The following SLC47A1 variants were observed in gnomAD, a reference collection of about 807,000 sequenced individuals.
The protein encoded by SLC47A1 is solute carrier family 47 member 1, also known as multidrug and toxin extrusion protein 1.
In SLC47A1, 58 loss-of-function variants were observed where a neutral mutation model predicts 65.8. The ratio of observed to expected loss-of-function variants is 0.88; its 90% CI spans 0.71 to 1.10. The LOEUF is 1.10. Among genes scored for constraint, SLC47A1 ranks in the 50% least tolerant of loss-of-function variants. SLC47A1 has a pLI of 0.00. For missense variants in SLC47A1, 706 were observed against 719.2 expected, an observed-to-expected ratio of 0.98 and a Z score of 0.21; for synonymous variants, 285 against 295.0, an observed-to-expected ratio of 0.97 and a Z score of 0.35.
intron 15 of SLC47A1, among the ~76,000 whole-genome samples, chr17:19,572,099 A>G (rs2084404070): frequency 6.6e-6 from 1 of 152,176 alleles, no homozygotes; most frequent in African/African-American, 2.4e-5. Flanking sequence ...GGCTGCAGTC[A>G]TCTGTGATCA....
At position 19,556,060 on chromosome 17, in the gene SLC47A1, A is replaced by C; in HGVS notation, c.919A>C (p.Met307Leu). The stretch of plus-strand genomic sequence containing the variant: ...GTATGAACTGGCCATCATTGTGTAC[A>C]TGGTAAGCAGGGGAGCCGATCATGG... ...IVYELAIIVYMVPAGFSVAAS... is the reference protein window; with the variant it reads ...IVYELAIIVYLVPAGFSVAAS... Residue 307 changes from methionine to leucine, a missense_variant and splice_region_variant, in exon 10 of 17, where the codon ATG becomes CTG. By Grantham distance (15) the Met-to-Leu change is conservative. Transcript: ENST00000270570. 1 of 1,613,842 alleles carries C rather than the reference A, an allele frequency of 6.2e-7. No individual in the cohort carries two copies. The highest frequency in any genetic ancestry group is 8.5e-7 in the Non-Finnish European group (1 of 1,180,022).
In SLC47A1 at chr17:19,549,636, C is replaced by T. The variant is rs1321921564; in HGVS notation, c.457C>T (p.Leu153Phe). Reference protein sequence around the residue: ...LFRQDPDVSRLTQTYVTIFIP... With the variant: ...LFRQDPDVSRFTQTYVTIFIP... ...TTTCTTTTTCTTTTCGTTATTTAGG[C>T]TTACCCAGACCTATGTCACGATCTT... The change falls in exon 5 of 17, where the codon CTT becomes TTT. Residue 153 changes from leucine to phenylalanine, a missense_variant and splice_region_variant. Transcript: ENST00000270570. 6.2e-7 allele frequency: 1 copy of T among 1,614,148 alleles called. No individual in the cohort carries two copies. The highest frequency in any genetic ancestry group is 1.7e-5 in the Admixed American group (1 of 60,022).
At position 19,559,319 on chromosome 17, in the gene SLC47A1, G is replaced by A. The variant is rs116121693; in HGVS notation, c.922-869G>A. Among the ~76,000 whole-genome samples, 1,503 of 152,266 alleles carry A rather than the reference G, an allele frequency of 9.9e-3. 38 individuals are homozygous for A. The highest frequency in any genetic ancestry group is 0.035 in the African/African-American group (1,436 of 41,554). Reference sequence around the variant, plus strand: ...GGGTTGTTTCCCTGCAGTTCCTTTAGTGCCACTCCTGTCTTCTAAGCTGGA... The same window carrying A: ...GGGTTGTTTCCCTGCAGTTCCTTTAATGCCACTCCTGTCTTCTAAGCTGGA... On this transcript the variant is annotated intron_variant, in intron 10 of 16. Transcript: ENST00000270570.
intron 10 of SLC47A1, among the ~76,000 whole-genome samples, chr17:19,558,298 G>C (rs1380890179): frequency 1.3e-5 from 2 of 152,152 alleles, no homozygotes; most frequent in African/African-American, 4.8e-5. Flanking sequence ...TCAGTGTGGT[G>C]CAGCTGATGT....
chr17:19,534,252 G>T (rs1915928747), intron 1 of SLC47A1, 178 bp downstream of exon 1: 11 of 742,698 alleles, frequency 1.5e-5, no homozygotes, highest in Non-Finnish European at 2.1e-5. Context: ...CTGCGTCCCG[G>T]CCGCTTTCCG....
intron 16 of SLC47A1, among the ~76,000 whole-genome samples, chr17:19,576,060 G>A (rs562022163): frequency 3.3e-5 from 5 of 151,818 alleles, no homozygotes; most frequent in Non-Finnish European, 5.9e-5. Context: ...AGGGTGGACA[G>A]ACTGGTTCCC....
At chr17:19,546,631 C>T in intron 3 of SLC47A1, 128 bp downstream of exon 3, 1 of 802,672 alleles carries the variant, frequency 1.2e-6, no homozygotes, top group Non-Finnish European at 2.1e-6. Context: ...AGCAACTCCT[C>T]TTCTCCTGGC....
rs1001066178 is a variant in SLC47A1, at chr17:19,577,752, G to C, written c.*199G>C. ...AAGCTATATTGTGGCCCAAGACACT[G>C]TCTGAAAGATGACATGAGTAGTAAT... On this transcript the variant is annotated 3_prime_UTR_variant, in exon 17 of 17. Coordinates refer to ENST00000270570, the MANE Select transcript of SLC47A1 (RefSeq NM_018242.3). The C allele has an allele frequency of 1.4e-6, 2 of 1,401,754 alleles. No individual in the cohort carries two copies. The highest frequency in any genetic ancestry group is 1.8e-6 in the Non-Finnish European group (2 of 1,081,476). The allele number at this position is 1,401,754 out of a possible 1,614,324, so 86.8% of individuals were successfully genotyped here.
intron 1 of SLC47A1, among the ~76,000 whole-genome samples, chr17:19,541,303 C>T (rs904733058): frequency 7.9e-5 from 12 of 152,130 alleles, no homozygotes; most frequent in Non-Finnish European, 1.3e-4. Context: ...CCCATTCTCT[C>T]CTAGGGAGCA....
At chr17:19,572,918 C>A in intron 16 of SLC47A1, 57 bp downstream of exon 16, 1 of 1,465,686 alleles carries the variant, frequency 6.8e-7, no homozygotes, top group Non-Finnish European at 9.6e-7. Context: ...ACTGGAGGGG[C>A]TGTTAGTGAG....
At chr17:19,548,327 T>C (rs772685118) in intron 4 of SLC47A1, among the ~76,000 whole-genome samples, 194 bp downstream of exon 4, 45 of 152,020 alleles carry the variant, frequency 3.0e-4, no homozygotes, top group Non-Finnish European at 5.3e-4. Flanking sequence ...CCTGGGTGAC[T>C]TGCATGGTTA....
intron 1 of SLC47A1, among the ~76,000 whole-genome samples, chr17:19,539,701 G>C (rs1410879726): frequency 6.6e-6 from 1 of 152,102 alleles, no homozygotes; most frequent in African/African-American, 2.4e-5. Flanking sequence ...GGCCAGACTG[G>C]TCTCGAACTT....
At chr17:19,535,247 C>T (rs2453581) in intron 1 of SLC47A1, 44,117 of 151,664 alleles carry the variant, frequency 0.29, 7,588 homozygotes, top group Non-Finnish European at 0.4. Context: ...CCAGCCTGGC[C>T]AATATGGTGA....
chr17:19,574,657 G>A (rs558528814), intron 16 of SLC47A1, among the ~76,000 whole-genome samples: 1 of 152,280 alleles, frequency 6.6e-6, no homozygotes, highest in Non-Finnish European at 1.5e-5. Flanking sequence ...TTGTTTTTGA[G>A]TCTCACTCTG....
chr17:19,534,187 G>A, intron 1 of SLC47A1, 113 bp downstream of exon 1: 1 of 1,324,990 alleles, frequency 7.5e-7, no homozygotes, highest in Non-Finnish European at 9.8e-7. Context: ...CTGTCCGCCG[G>A]CGGGCTCCGG....
At chr17:19,557,370 A>G (rs1916645254) in intron 10 of SLC47A1, 1 of 166,868 alleles carries the variant, frequency 6.0e-6, no homozygotes, top group Non-Finnish European at 1.3e-5. Context: ...AAATTCATTA[A>G]CTATATCTAA....
At chr17:19,566,688 G>A in intron 12 of SLC47A1, 102 bp from the exon 13 acceptor site, 1 of 1,055,660 alleles carries the variant, frequency 9.5e-7, no homozygotes, top group Non-Finnish European at 1.4e-6. Flanking sequence ...GCCTCCCAAA[G>A]TGCTGAGATT....
chr17:19,534,668 T>C (rs1324456448), intron 1 of SLC47A1: 2 of 152,116 alleles, frequency 1.3e-5, no homozygotes, highest in Non-Finnish European at 2.9e-5. Flanking sequence ...ACCAGAGGCA[T>C]CCTGTACCAC....
chr17:19,566,545 C>A (rs910850177), intron 12 of SLC47A1, among the ~76,000 whole-genome samples: 46 of 152,282 alleles, frequency 3.0e-4, no homozygotes, highest in Admixed American at 2.9e-3. Context: ...CCTGCCTCAG[C>A]CTCCTGAGTA....
Sources: allele counts gnomAD v4.1 joint callset (sites outside exome capture counted in the v4.1 genomes callset), GRCh38; gene constraint gnomAD v4.1.1; transcripts MANE v1.5; gene names NCBI Gene and HGNC (gene_info 2026-07-23, HGNC 2026-07-21).